The following SNTG2 variants were observed in gnomAD, a reference collection of about 807,000 sequenced individuals.
The protein encoded by SNTG2 is syntrophin gamma 2, also known as gamma-2-syntrophin.
SNTG2 carries 74 observed loss-of-function variants against 70.9 expected under a neutral mutation model. The observed-to-expected ratio is 1.04, with a 90% CI of 0.86 to 1.27. SNTG2 has a LOEUF of 1.27. Ranked by LOEUF, SNTG2 falls within the 50% of genes most tolerant of loss-of-function variation. The pLI, the probability that SNTG2 is intolerant of heterozygous loss-of-function variation, is 0.00. For synonymous variants in SNTG2, 278 were observed against 273.8 expected (o/e 1.02, Z -0.15); for missense variants, 717 against 690.7 (o/e 1.04, Z -0.43).
intron 9 of SNTG2, among the ~76,000 whole-genome samples, chr2:1,233,563 C>T (rs1300203819): frequency 6.6e-6 from 1 of 152,152 alleles, no homozygotes; most frequent in Non-Finnish European, 1.5e-5. Flanking sequence ...GCACTGAGCC[C>T]ACAGTCAAGA....
At chr2:1,155,148 TCCATAC>T (rs1669789369) in intron 6 of SNTG2, among the ~76,000 whole-genome samples, 1 of 98,696 alleles carries the variant, frequency 1.0e-5, no homozygotes, top group East Asian at 3.3e-4. Context: ...ACAGACACAC[TCCATAC>T]ACACACACAC....
chr2:1,106,227 G>A (rs1446656892), intron 4 of SNTG2, among the ~76,000 whole-genome samples: 1 of 118,536 alleles, frequency 8.4e-6, no homozygotes, highest in Non-Finnish European at 1.7e-5. Flanking sequence ...TGGTAATAGT[G>A]GATGCGTGCT....
At position 1,200,447 on chromosome 2, in the gene SNTG2, C is replaced by T. The variant is rs142703034; in HGVS notation, c.592-8656C>T. 1.3e-3 allele frequency among the ~76,000 whole-genome samples: 201 copies of T among 152,008 alleles called. 1 individual carries two copies. The highest frequency in any genetic ancestry group is 4.3e-3 in the African/African-American group (178 of 41,522). On this transcript the variant is annotated intron_variant, in intron 8 of 16. Transcript: ENST00000308624. ...TAAACATAGTAGAAACACTTCAGGA[C>T]GCTGGTTTAGGAAAAGATTTTATGA...
chr2:981,081 C>G (rs1438461840), intron 1 of SNTG2, among the ~76,000 whole-genome samples: 1 of 152,132 alleles, frequency 6.6e-6, no homozygotes, highest in Admixed American at 6.5e-5. Flanking sequence ...AAATATGAAC[C>G]ACCCTCCAGC....
chr2:1,300,709 G>A (rs1680424561), intron 14 of SNTG2, among the ~76,000 whole-genome samples: 1 of 152,096 alleles, frequency 6.6e-6, no homozygotes, highest in African/African-American at 2.4e-5. Flanking sequence ...ATTTGTGTAT[G>A]TTGTCTATGA....
At position 957,651 on chromosome 2, in the gene SNTG2, C is replaced by T. The variant is rs114208979; in HGVS notation, c.72+6583C>T. ...GCACAGGGCAGCTACAATGTGTTCC[C>T]TCTTCTATAGATGAGGTCGGGCAAC... is the stretch of plus-strand genomic sequence containing the variant. On this transcript the variant is annotated intron_variant, in intron 1 of 16. Transcript: ENST00000308624. Among the ~76,000 whole-genome samples, 1,121 of 152,118 alleles carry T rather than the reference C, an allele frequency of 7.4e-3. 16 individuals carry two copies. The highest frequency in any genetic ancestry group is 0.026 in the African/African-American group (1,063 of 41,508).
At chr2:979,607 A>G (rs1009062383) in intron 1 of SNTG2, among the ~76,000 whole-genome samples, 2 of 152,096 alleles carry the variant, frequency 1.3e-5, no homozygotes, top group Non-Finnish European at 2.9e-5. Flanking sequence ...GCTAAGGAAT[A>G]TGCTCCCCAA....
chr2:1,257,686 A>T (rs1678201943), intron 12 of SNTG2, among the ~76,000 whole-genome samples: 1 of 152,246 alleles, frequency 6.6e-6, no homozygotes, highest in Non-Finnish European at 1.5e-5. Context: ...GTGACCAGAT[A>T]TATTAATCAC....
At chr2:1,137,383 ACACT>A (rs1379032873) in intron 4 of SNTG2, among the ~76,000 whole-genome samples, 2 of 151,868 alleles carry the variant, frequency 1.3e-5, no homozygotes, top group Non-Finnish European at 2.9e-5. Flanking sequence ...ACAGATCCAC[ACACT>A]CAGACTCGCA....
intron 1 of SNTG2, among the ~76,000 whole-genome samples, chr2:1,015,580 C>T (rs562287760): frequency 2.0e-5 from 3 of 152,278 alleles, no homozygotes; most frequent in African/African-American, 7.2e-5. Context: ...GGCCAGTAAA[C>T]GTGGATGATG....
chr2:1,312,732 T>C (rs4927623), intron 15 of SNTG2, among the ~76,000 whole-genome samples: 82,449 of 152,086 alleles, frequency 0.54, 22,422 homozygotes, highest in Middle Eastern at 0.67. Context: ...TTAGAGCGAT[T>C]GGTGCAGACT....
At chr2:978,312 T>A (rs1212957028) in intron 1 of SNTG2, among the ~76,000 whole-genome samples, 1 of 152,222 alleles carries the variant, frequency 6.6e-6, no homozygotes, top group Non-Finnish European at 1.5e-5. Context: ...AGTACATTAG[T>A]AAAAGTGATT....
At chr2:1,066,395 T>C (rs1663155274) in intron 1 of SNTG2, among the ~76,000 whole-genome samples, 1 of 151,530 alleles carries the variant, frequency 6.6e-6, no homozygotes, top group Non-Finnish European at 1.5e-5. Flanking sequence ...ATTGGGCCCT[T>C]CCTGTTGATC....
At chr2:1,225,771 T>C (rs1675731759) in intron 9 of SNTG2, among the ~76,000 whole-genome samples, 1 of 152,124 alleles carries the variant, frequency 6.6e-6, no homozygotes, top group African/African-American at 2.4e-5. Flanking sequence ...CTGAATGAAG[T>C]AGAAAAGTGC....
intron 4 of SNTG2, among the ~76,000 whole-genome samples, chr2:1,121,847 G>C (rs1667400466): frequency 6.6e-6 from 1 of 152,154 alleles, no homozygotes; most frequent in Non-Finnish European, 1.5e-5. Flanking sequence ...TTGAAGATGA[G>C]ATTTGGGTGG....
intron 1 of SNTG2, among the ~76,000 whole-genome samples, chr2:958,115 A>G (rs957463847): frequency 6.6e-6 from 1 of 152,056 alleles, no homozygotes; most frequent in African/African-American, 2.4e-5. Context: ...CCACCTACAC[A>G]TAAGACTGTA....
intron 8 of SNTG2, among the ~76,000 whole-genome samples, chr2:1,186,619 C>T (rs943871059): frequency 3.9e-5 from 6 of 152,056 alleles, no homozygotes; most frequent in African/African-American, 1.4e-4. Flanking sequence ...TCTTACGTAG[C>T]TAGAGTGGGA....
chr2:1,214,870 T>C (rs967891812), intron 9 of SNTG2, among the ~76,000 whole-genome samples: 5 of 152,230 alleles, frequency 3.3e-5, no homozygotes, highest in Non-Finnish European at 7.3e-5. Flanking sequence ...AGACGTGGGC[T>C]TGTCACACGT....
chr2:995,719 A>T (rs1426294438), intron 1 of SNTG2, among the ~76,000 whole-genome samples: 1 of 151,992 alleles, frequency 6.6e-6, no homozygotes, highest in Non-Finnish European at 1.5e-5. Flanking sequence ...TGTATTTTTT[A>T]TTCAATTTTG....
Sources: gnomAD v4.1 joint callset for allele counts (sites outside exome capture counted in the v4.1 genomes callset) on GRCh38, gnomAD v4.1.1 for gene constraint, MANE v1.5 for transcripts, NCBI Gene and HGNC (gene_info 2026-07-23, HGNC 2026-07-21) for gene names.